TRANK1: variants seen among roughly 807,000 people sequenced by gnomAD.
TRANK1 encodes tetratricopeptide repeat and ankyrin repeat containing 1, also known as TPR and ankyrin repeat-containing protein 1.
TRANK1 carries 198 observed loss-of-function variants against 266.0 expected under a neutral mutation model. The ratio of observed to expected loss-of-function variants is 0.74; its 90% CI spans 0.66 to 0.84. The LOEUF (loss-of-function observed/expected upper bound fraction) is 0.84, where lower values mean the gene tolerates loss of function less well. Among genes scored for constraint, TRANK1 ranks in the 40% least tolerant of loss-of-function variants. The probability of loss-of-function intolerance (pLI) is 0.00; values close to 1 mark genes in which losing one functional copy is unlikely to be tolerated. For missense variants in TRANK1, 3,326 were observed against 3,634.6 expected (o/e 0.92, Z 2.18); for synonymous variants, 1,396 against 1,384.1 (o/e 1.01, Z -0.19).
At position 36,833,097 on chromosome 3, in the gene TRANK1, G is replaced by T. The variant is rs758339794; in HGVS notation, c.6486C>A (p.Asp2162Glu). The T allele has an allele frequency of 2.5e-6, 4 of 1,612,350 alleles. No individual in the cohort carries two copies. Among genetic ancestry groups the T allele is most frequent in the Non-Finnish European group, 3.4e-6 (4 of 1,179,148 alleles). ...KTKDHFLIMT[D>E]QVKLALNKHL... is the part of the protein sequence containing the mutation. ...GTTTGTTTAGGGCTAATTTCACTTGGTCAGTCATTATCAAAAAATGATCTT... is the reference window on the plus strand; with the variant it reads ...GTTTGTTTAGGGCTAATTTCACTTGTTCAGTCATTATCAAAAAATGATCTT... The change falls in exon 22 of 24, where the codon GAC (aspartate) becomes GAA (glutamate). Residue 2162 changes from aspartate to glutamate, a missense_variant. Asp to Glu is a conservative substitution (Grantham distance 45). Transcript: ENST00000645898.
intron 1 of TRANK1, among the ~76,000 whole-genome samples, chr3:36,926,919 C>G (rs1278425712): frequency 1.3e-5 from 2 of 152,090 alleles, no homozygotes; most frequent in Non-Finnish European, 2.9e-5. Context: ...CAGGCCAGGC[C>G]CCACTTCTCC....
At chr3:36,944,633 C>G (rs1186739679) in intron 1 of TRANK1, among the ~76,000 whole-genome samples, 154 bp downstream of exon 1, 1 of 152,168 alleles carries the variant, frequency 6.6e-6, no homozygotes, top group Non-Finnish European at 1.5e-5. Flanking sequence ...GGGTCTGCAC[C>G]TAGATGGCTG....
rs756643346 is a variant in TRANK1, at chr3:36,857,169, C to A, written c.2553G>T (p.Met851Ile). 16 of 1,613,812 alleles carry A rather than the reference C, an allele frequency of 9.9e-6. No homozygotes were observed. The Admixed American group carries it at 1.8e-4, about 18-fold the overall frequency. ...TGATTTTCTTCTTGATGACCTTGGT[C>A]ATTACCTTACTAGACAGCTTCTTCA... is the stretch of plus-strand genomic sequence containing the variant. The part of the protein sequence containing the change: ...EMLKKLSSKV[M>I]TKVIKKKIIL... The change falls in exon 13 of 24, where the codon ATG (methionine) becomes ATT (isoleucine). Residue 851 changes from methionine to isoleucine, a missense_variant. Transcript: ENST00000645898. This position sits in a 1 kb window ranked among gnomAD's most constrained non-coding sequence, Gnocchi z 4.3.
intron 9 of TRANK1, among the ~76,000 whole-genome samples, chr3:36,866,568 G>A (rs2079230850): frequency 6.6e-6 from 1 of 152,178 alleles, no homozygotes; most frequent in Admixed American, 6.5e-5. Flanking sequence ...TCTGGAGTGT[G>A]AGTCACACTT....
intron 8 of TRANK1, among the ~76,000 whole-genome samples, chr3:36,887,244 C>G (rs1014977410): frequency 6.6e-6 from 1 of 152,148 alleles, no homozygotes; most frequent in African/African-American, 2.4e-5. Context: ...CAGTGGTATG[C>G]TAAGACCCAG....
intron 8 of TRANK1, among the ~76,000 whole-genome samples, chr3:36,881,822 C>T (rs1387923335): frequency 6.6e-6 from 1 of 152,164 alleles, no homozygotes; most frequent in Non-Finnish European, 1.5e-5. Flanking sequence ...TTATTCCGGA[C>T]ATTTCATATC....
intron 1 of TRANK1, among the ~76,000 whole-genome samples, chr3:36,942,482 C>CAA (rs565174922): frequency 0.17 from 13,536 of 79,572 alleles, 1,501 homozygotes; most frequent in East Asian, 0.28. Context: ...TCTTCTTCCT[C>CAA]AAAAAAAAAA....
chr3:36,940,408 G>A (rs779996515), intron 1 of TRANK1, among the ~76,000 whole-genome samples: 52 of 151,822 alleles, frequency 3.4e-4, no homozygotes, highest in Admixed American at 5.9e-4. Flanking sequence ...GCTGAGGCAG[G>A]AGAATGGCGT....
At chr3:36,907,281 G>T (rs2079983311) in intron 2 of TRANK1, among the ~76,000 whole-genome samples, 2 of 152,090 alleles carry the variant, frequency 1.3e-5, no homozygotes, top group African/African-American at 4.8e-5. Flanking sequence ...CTCCCAAGTA[G>T]CTGGGATTAC....
Position 36,857,418 on chromosome 3 carries a change from T to A in TRANK1, c.2304A>T (p.Gly768=), listed in dbSNP as rs750869404. ...EPLEAGAGKE[G]KKDDKPTLGA... ...CCAGAGTCGGCTTGTCATCTTTCTT[T>A]CCTTCTTTGCCAGCTCCTGCCTCCA... The change falls in exon 13 of 24, where the codon GGA becomes GGT. Residue 768 remains glycine, a synonymous_variant. Transcript: ENST00000645898. This position sits in a 1 kb window ranked among gnomAD's most constrained non-coding sequence, Gnocchi z 4.3. 1 of 1,613,836 alleles carries A rather than the reference T, an allele frequency of 6.2e-7. No individual in the cohort carries two copies. Among genetic ancestry groups the A allele is most frequent in the Non-Finnish European group, 8.5e-7 (1 of 1,179,818 alleles).
At chr3:36,906,749 CCTT>C (rs2079974316) in intron 2 of TRANK1, among the ~76,000 whole-genome samples, 6 of 152,132 alleles carry the variant, frequency 3.9e-5, no homozygotes, top group Non-Finnish European at 8.8e-5. Context: ...CAAGGAAGTG[CCTT>C]CTCCCCCTCA....
chr3:36,858,352 A>G (rs1489594714), intron 12 of TRANK1, among the ~76,000 whole-genome samples: 2 of 152,198 alleles, frequency 1.3e-5, no homozygotes, highest in Non-Finnish European at 2.9e-5. Flanking sequence ...GTGCCTTACA[A>G]CAAAGAACTA....
intron 10 of TRANK1, among the ~76,000 whole-genome samples, chr3:36,862,332 T>C (rs1468021736): frequency 6.6e-6 from 1 of 152,114 alleles, no homozygotes; most frequent in Non-Finnish European, 1.5e-5. Flanking sequence ...TTCCCATCTT[T>C]TTCCAAGTTT....
At chr3:36,829,232 C>A (rs2078664456) in intron 23 of TRANK1, among the ~76,000 whole-genome samples, 1 of 152,162 alleles carries the variant, frequency 6.6e-6, no homozygotes, top group Non-Finnish European at 1.5e-5. Context: ...GAAAACATTT[C>A]TCAAGGGATA....
At chr3:36,872,651 A>C (rs2125572310) in intron 9 of TRANK1, among the ~76,000 whole-genome samples, 1 of 152,360 alleles carries the variant, frequency 6.6e-6, no homozygotes, top group African/African-American at 2.4e-5. Flanking sequence ...GAGAAGTTTT[A>C]GATGAATTTA....
intron 8 of TRANK1, among the ~76,000 whole-genome samples, chr3:36,887,759 C>T (rs1374801647): frequency 6.6e-6 from 1 of 152,230 alleles, no homozygotes; most frequent in Non-Finnish European, 1.5e-5. Flanking sequence ...TGCTACAATT[C>T]TGAGCTTCTG....
chr3:36,899,991 C>T (rs2079851606), intron 3 of TRANK1, among the ~76,000 whole-genome samples: 1 of 152,196 alleles, frequency 6.6e-6, no homozygotes, highest in Non-Finnish European at 1.5e-5. Flanking sequence ...TCCCAAGTAG[C>T]TGGGACTACA....
intron 1 of TRANK1, among the ~76,000 whole-genome samples, chr3:36,942,794 C>T (rs1409065544): frequency 6.6e-6 from 1 of 151,048 alleles, no homozygotes; most frequent in African/African-American, 2.4e-5. Context: ...TCTGGGAGAG[C>T]GGCGGAAACA....
Position 36,855,475 on chromosome 3 carries a change from TTGTA to T in TRANK1, c.4243_4246del (p.Tyr1415ThrfsTer35). The stretch of plus-strand genomic sequence containing the variant: ...GAGCTTCGACAGCCTCCGGGATATG[TTGTA>T]CAGAACATCCTCTTCATCAAAATAA... On this transcript the variant is annotated frameshift_variant, in exon 13 of 24. Coordinates refer to ENST00000645898, the MANE Select transcript of TRANK1 (RefSeq NM_001329998.2). LOFTEE classifies it high-confidence loss of function. 6.2e-7 allele frequency: 1 copy of T among 1,613,928 alleles called. No individual in the cohort carries two copies. Among genetic ancestry groups the T allele is most frequent in the East Asian group, 2.2e-5 (1 of 44,864 alleles).
Sources: gnomAD v4.1 joint callset for allele counts (sites outside exome capture counted in the v4.1 genomes callset) on GRCh38, gnomAD v4.1.1 for gene constraint, Gnocchi (gnomAD v3.1) non-coding constraint, MANE v1.5 for transcripts, NCBI Gene and HGNC (gene_info 2026-07-23, HGNC 2026-07-21) for gene names.